The following PCDHGB6 variants were observed in gnomAD, a reference collection of about 807,000 sequenced individuals.
PCDHGB6 encodes protocadherin gamma subfamily B, 6, also known as protocadherin gamma-B6.
PCDHGB6 carries 51 observed loss-of-function variants against 59.1 expected under a neutral mutation model. The observed-to-expected ratio is 0.86, with a 90% CI of 0.69 to 1.09. The LOEUF (loss-of-function observed/expected upper bound fraction) is 1.09. PCDHGB6 is among the 50% of genes least tolerant of loss of function. The pLI is 0.00. For synonymous variants in PCDHGB6, 466 were observed against 495.1 expected (o/e 0.94, Z 0.78); for missense variants, 1,148 against 1,205.1 (o/e 0.95, Z 0.70).
chr5:141,413,288 C>T (rs2095623576), intron 1 of PCDHGB6: 2 of 1,613,950 alleles, frequency 1.2e-6, no homozygotes, highest in East Asian at 4.5e-5. Flanking sequence ...ATCTCCTACT[C>T]AATTCCTGAG....
chr5:141,414,981 C>G (rs766434004), intron 1 of PCDHGB6: 12 of 1,613,722 alleles, frequency 7.4e-6, no homozygotes, highest in East Asian at 6.7e-5. Flanking sequence ...ACAGAGACTC[C>G]GGCCAGAACG....
At chr5:141,444,473 G>C (rs943971075) in intron 1 of PCDHGB6, among the ~76,000 whole-genome samples, 6 of 151,972 alleles carry the variant, frequency 3.9e-5, no homozygotes, top group South Asian at 2.1e-4. Flanking sequence ...GCCCGGTCGC[G>C]TACTGGATTT....
Position 141,494,842 on chromosome 5 carries a change from G to A in PCDHGB6, c.2454G>A (p.Gln818=). 1 of 1,614,116 alleles carries A rather than the reference G, an allele frequency of 6.2e-7. No homozygotes were observed. Among genetic ancestry groups the A allele is most frequent in the Non-Finnish European group, 8.5e-7 (1 of 1,180,018 alleles). The change falls in exon 2 of 4, where the codon CAG becomes CAA. Residue 818 remains glutamine, a synonymous_variant. Coordinates refer to ENST00000520790, the MANE Select transcript of PCDHGB6 (RefSeq NM_018926.3). ...APPNTDWRFS[Q]AQRPGTSGSQ... is the part of the protein sequence containing the mutation. ...CCAACACGGACTGGCGTTTCTCTCA[G>A]GCCCAGAGACCCGGCACCAGCGGGT... is the stretch of plus-strand genomic sequence containing the variant.
At chr5:141,451,712 C>G (rs769620335) in intron 1 of PCDHGB6, among the ~76,000 whole-genome samples, 2 of 151,994 alleles carry the variant, frequency 1.3e-5, no homozygotes, top group African/African-American at 4.8e-5. Context: ...CAAAACCCTG[C>G]CTCTACTAAA....
At position 141,485,129 on chromosome 5, in the gene PCDHGB6, T is replaced by G. The variant is rs761201450; in HGVS notation, c.2419-9678T>G. 2.1e-6 allele frequency: 3 copies of G among 1,462,964 alleles called. No individual in the cohort carries two copies. Among genetic ancestry groups the G allele is most frequent in the Non-Finnish European group, 2.8e-6 (3 of 1,053,766 alleles). 90.6% of individuals were successfully genotyped at this position (1,462,964 alleles called of 1,614,324 possible). A position where few individuals can be genotyped will look rare whatever the true frequency, so the allele number is the denominator to read the frequency against. On this transcript the variant is annotated intron_variant, in intron 1 of 3. Coordinates refer to ENST00000520790, the MANE Select transcript of PCDHGB6 (RefSeq NM_018926.3). The surrounding 1 kb of genome is among the most constrained non-coding windows in gnomAD (Gnocchi z 5.7). ...TGTGGCTGTTTGGGGCGGGTCGGCT[T>G]CATCCGCGTCTCAGGAGCAAGTAGA...
chr5:141,419,494 T>A, intron 1 of PCDHGB6: 1 of 1,612,380 alleles, frequency 6.2e-7, no homozygotes, highest in Non-Finnish European at 8.5e-7. Context: ...TCAGCGCCAA[T>A]GTGAGCCTGC....
chr5:141,421,473 C>T (rs907282414), intron 1 of PCDHGB6: 10 of 1,613,994 alleles, frequency 6.2e-6, no homozygotes, highest in Middle Eastern at 1.6e-4. Context: ...ATCCGCGAAG[C>T]GGCAGCTTGA....
At chr5:141,451,607 C>T (rs2154563647) in intron 1 of PCDHGB6, among the ~76,000 whole-genome samples, 1 of 152,288 alleles carries the variant, frequency 6.6e-6, no homozygotes, top group Non-Finnish European at 1.5e-5. Context: ...CAAGGCTAGG[C>T]ATGGTGGCTC....
Position 141,409,493 on chromosome 5 carries a change from CCT to C in PCDHGB6, c.1294_1295del (p.Leu432PhefsTer4), listed in dbSNP as rs1312265786. 10 of 1,614,012 alleles carry C rather than the reference CCT, an allele frequency of 6.2e-6. No homozygotes were observed. Among genetic ancestry groups the C allele is most frequent in the Non-Finnish European group, 7.6e-6 (9 of 1,179,904 alleles). On this transcript the variant is annotated frameshift_variant, in exon 1 of 4. Coordinates refer to ENST00000520790, the MANE Select transcript of PCDHGB6 (RefSeq NM_018926.3). LOFTEE classifies it high-confidence loss of function. ...TIVATDRGKP[P>X]LSSSRSITLY... ...CGTAGCCACTGACAGGGGCAAGCCG[CCT>C]CTTTCTTCCAGTAGAAGCATCACCT...
At chr5:141,414,334 AC>A (rs1187631098) in intron 1 of PCDHGB6, 2 of 1,613,782 alleles carry the variant, frequency 1.2e-6, no homozygotes, top group South Asian at 2.2e-5. Context: ...TGGACAGGTA[AC>A]CTGTTCCATT....
rs372648693 is a variant in PCDHGB6, at chr5:141,417,997, G to A, written c.2418+7377G>A. 244 of 1,613,872 alleles carry A rather than the reference G, an allele frequency of 1.5e-4. No homozygotes were observed. The Middle Eastern group carries it at 3.5e-3, about 23-fold the overall frequency. On this transcript the variant is annotated intron_variant, in intron 1 of 3. Transcript: ENST00000520790. ...CGGAGGAGCTGGCCAAGGGCTCGGT[G>A]GTGGGGAACCTCGCTAAGGATCTAG...
In PCDHGB6 at chr5:141,485,066, G is replaced by A. The variant is rs907517904; in HGVS notation, c.2419-9741G>A. On this transcript the variant is annotated intron_variant, in intron 1 of 3. Coordinates refer to ENST00000520790, the MANE Select transcript of PCDHGB6 (RefSeq NM_018926.3). This position sits in a 1 kb window ranked among gnomAD's most constrained non-coding sequence, Gnocchi z 5.7. Reference sequence around the variant, plus strand: ...GCGGCGCCGGCCGAACCGCGCCAGAGCTGGCGCGGGGAAAGGGAGATAGGT... The same window carrying A: ...GCGGCGCCGGCCGAACCGCGCCAGAACTGGCGCGGGGAAAGGGAGATAGGT... 1 of 885,622 alleles carries A rather than the reference G, an allele frequency of 1.1e-6. No individual in the cohort carries two copies. Among genetic ancestry groups the A allele is most frequent in the Non-Finnish European group, 1.8e-6 (1 of 559,820 alleles). 54.9% of individuals were successfully genotyped at this position (885,622 alleles called of 1,614,324 possible).
intron 1 of PCDHGB6, chr5:141,419,360 C>T (rs763624320): frequency 6.2e-7 from 1 of 1,613,818 alleles, no homozygotes; most frequent in South Asian, 1.1e-5. Flanking sequence ...GTCACGAACG[C>T]TGTCGTCCTA....
intron 1 of PCDHGB6, chr5:141,414,344 T>C: frequency 6.2e-7 from 1 of 1,613,882 alleles, no homozygotes; most frequent in Non-Finnish European, 8.5e-7. Flanking sequence ...ACCTGTTCCA[T>C]TTTGGCGTAT....
intron 1 of PCDHGB6, chr5:141,427,892 C>A (rs752723370): frequency 9.9e-5 from 155 of 1,567,044 alleles, no homozygotes; most frequent in Non-Finnish European, 1.3e-4. Context: ...ACGACCAGGG[C>A]TCGCCCGCGC....
At chr5:141,482,345 T>G (rs192115752) in intron 1 of PCDHGB6, among the ~76,000 whole-genome samples, 8 of 152,122 alleles carry the variant, frequency 5.3e-5, no homozygotes, top group Admixed American at 5.2e-4. Context: ...CTTTGCAAAC[T>G]TGTTGTGAGA....
At chr5:141,443,713 A>G (rs774603084) in intron 1 of PCDHGB6, among the ~76,000 whole-genome samples, 19 of 152,246 alleles carry the variant, frequency 1.2e-4, no homozygotes, top group Admixed American at 8.5e-4. Flanking sequence ...ACATTTGCAT[A>G]TAAAATTCCT....
Position 141,485,616 on chromosome 5 carries a change from C to T in PCDHGB6, c.2419-9191C>T. On this transcript the variant is annotated intron_variant, in intron 1 of 3. Coordinates refer to ENST00000520790, the MANE Select transcript of PCDHGB6 (RefSeq NM_018926.3). This position sits in a 1 kb window ranked among gnomAD's most constrained non-coding sequence, Gnocchi z 5.7. ...TTGGAAATTGGGGAGGCAGCTCCTCCAGGACAGCGTTTCCCGTTGGAAAAG... is the reference window on the plus strand; with the variant it reads ...TTGGAAATTGGGGAGGCAGCTCCTCTAGGACAGCGTTTCCCGTTGGAAAAG... 1 of 1,612,210 alleles carries T rather than the reference C, an allele frequency of 6.2e-7. No individual in the cohort carries two copies.
At chr5:141,420,086 TAC>T (rs1396904191) in intron 1 of PCDHGB6, 2 of 1,614,002 alleles carry the variant, frequency 1.2e-6, no homozygotes, top group Non-Finnish European at 1.7e-6. Context: ...TCCCCCCAAC[TAC>T]AGTGAGGGAA....
Sources: gnomAD v4.1 joint callset for allele counts (sites outside exome capture counted in the v4.1 genomes callset) on GRCh38, gnomAD v4.1.1 for gene constraint, Gnocchi (gnomAD v3.1) non-coding constraint, MANE v1.5 for transcripts, NCBI Gene and HGNC (gene_info 2026-07-23, HGNC 2026-07-21) for gene names.